Variants in IQCB1 observed in about 807,000 individuals in gnomAD.
The protein encoded by IQCB1 is IQ calmodulin-binding motif-containing protein 1.
In IQCB1, 56 loss-of-function variants were observed where a neutral mutation model predicts 84.4. The observed-to-expected ratio is 0.66, with a 90% confidence interval of 0.54 to 0.83. The LOEUF (loss-of-function observed/expected upper bound fraction) is 0.83. Ranked by LOEUF, IQCB1 falls within the 40% of genes least tolerant of loss-of-function variation. The probability of loss-of-function intolerance (pLI) is 0.00; values close to 1 mark genes in which losing one functional copy is unlikely to be tolerated. For synonymous variants in IQCB1, 210 were observed against 234.8 expected, an observed-to-expected ratio of 0.89 and a Z score of 0.96; for missense variants, 629 against 682.1, an observed-to-expected ratio of 0.92 and a Z score of 0.87.
At chr3:121,780,883 T>TGTGTGTGTGAGA (rs34302377) in intron 13 of IQCB1, among the ~76,000 whole-genome samples, 2 of 148,794 alleles carry the variant, frequency 1.3e-5, no homozygotes, top group Admixed American at 1.3e-4. Context: ...TGTGTGTGTG[T>TGTGTGTGTGAGA]GAGAGAGAGA....
At chr3:121,805,171 T>C (rs1032494070) in intron 7 of IQCB1, among the ~76,000 whole-genome samples, 105 of 152,234 alleles carry the variant, frequency 6.9e-4, no homozygotes, top group African/African-American at 2.3e-3. Flanking sequence ...TCCTGTTTTC[T>C]TGTTTATTTG....
At chr3:121,781,579 T>C (rs1948493549) in intron 13 of IQCB1, among the ~76,000 whole-genome samples, 164 bp downstream of exon 13, 1 of 152,128 alleles carries the variant, frequency 6.6e-6, no homozygotes, top group South Asian at 2.1e-4. Flanking sequence ...GAAAAAGATA[T>C]ACCATTACTT....
chr3:121,816,137 T>C (rs931191453), intron 5 of IQCB1, among the ~76,000 whole-genome samples: 2 of 152,058 alleles, frequency 1.3e-5, no homozygotes, highest in South Asian at 4.2e-4. Context: ...CCATCTGATC[T>C]TTGACAAACC....
At chr3:121,778,463 G>T (rs1479761533) in intron 13 of IQCB1, among the ~76,000 whole-genome samples, 1 of 151,766 alleles carries the variant, frequency 6.6e-6, no homozygotes, top group African/African-American at 2.4e-5. Flanking sequence ...CAACTTTAAG[G>T]ATTTAACATT....
At chr3:121,785,418 C>T (rs1177993502) in intron 12 of IQCB1, among the ~76,000 whole-genome samples, 1 of 152,056 alleles carries the variant, frequency 6.6e-6, no homozygotes, top group Admixed American at 6.5e-5. Context: ...CCACGCCTGG[C>T]TAATTTTTGT....
intron 9 of IQCB1, 145 bp downstream of exon 9, chr3:121,796,973 T>G: frequency 1.5e-6 from 1 of 646,758 alleles, no homozygotes; most frequent in South Asian, 1.7e-5. Flanking sequence ...CTCAACCTCC[T>G]GAGTAAAAAA....
chr3:121,828,963 C>G lies in IQCB1; in HGVS notation c.-3G>C. ...GGGTCTGTACCTGTTGGCTTCATTTCTCTTATTACCTATATTTTAACAGAA... is the reference window on the plus strand; with the variant it reads ...GGGTCTGTACCTGTTGGCTTCATTTGTCTTATTACCTATATTTTAACAGAA... On this transcript the variant is annotated 5_prime_UTR_variant, in exon 3 of 15. Coordinates refer to ENST00000310864, the MANE Select transcript of IQCB1 (RefSeq NM_001023570.4). 4.5e-6 allele frequency: 7 copies of G among 1,565,864 alleles called. No homozygotes were observed. Among genetic ancestry groups the G allele is most frequent in the Non-Finnish European group, 6.2e-6 (7 of 1,136,896 alleles).
chr3:121,832,180 C>A (rs1038244537), intron 2 of IQCB1, among the ~76,000 whole-genome samples: 9 of 152,134 alleles, frequency 5.9e-5, no homozygotes, highest in African/African-American at 2.2e-4. Context: ...TATCCCTTGA[C>A]TATATTTCTA....
intron 12 of IQCB1, among the ~76,000 whole-genome samples, chr3:121,782,731 T>C (rs1343532577): frequency 1.3e-5 from 2 of 151,734 alleles, no homozygotes; most frequent in African/African-American, 4.8e-5. Context: ...CAGGCTGGAG[T>C]GCAGTGGCAC....
chr3:121,772,596 G>A lies in IQCB1; in HGVS notation c.1528C>T (p.Leu510=). Residue 510 remains leucine, a synonymous_variant, in exon 14 of 15, where the codon CTG becomes TTG. Transcript: ENST00000310864. ...EERAQQHREA[L]IAQISTNVEQ... ...ACGTTGGTGCTGATCTGTGCTATCA[G>A]AGCTTCTCTGTGCTGCTGGGCTCGC... is the stretch of plus-strand genomic sequence containing the variant. 2 of 1,614,232 alleles carry A rather than the reference G, an allele frequency of 1.2e-6. No homozygotes were observed. The highest frequency in any genetic ancestry group is 1.7e-6 in the Non-Finnish European group (2 of 1,180,044).
chr3:121,824,957 C>CATATTAA (rs1295909561), intron 5 of IQCB1, among the ~76,000 whole-genome samples: 1 of 152,050 alleles, frequency 6.6e-6, no homozygotes, highest in African/African-American at 2.4e-5. Context: ...TGCATGGCAC[C>CATATTAA]ATATTAAATA....
chr3:121,802,655 T>G (rs958366782), intron 7 of IQCB1, among the ~76,000 whole-genome samples: 8 of 152,302 alleles, frequency 5.3e-5, no homozygotes, highest in Middle Eastern at 3.4e-3. Flanking sequence ...GCTTAGAATT[T>G]TATTGATTTC....
At position 121,834,994 on chromosome 3, in the gene IQCB1, A is replaced by C; in HGVS notation, c.-130T>G. On this transcript the variant is annotated 5_prime_UTR_variant, in exon 1 of 15. Coordinates refer to ENST00000310864, the MANE Select transcript of IQCB1 (RefSeq NM_001023570.4). ...ATCCTCGCTTCGCGTTCTTCCACTA[A>C]AGAACCTGGGGCTCCCACGCCGCAC... is the stretch of plus-strand genomic sequence containing the variant. 1 of 443,728 alleles carries C rather than the reference A, an allele frequency of 2.3e-6. No homozygotes were observed. Among genetic ancestry groups the C allele is most frequent in the Non-Finnish European group, 3.9e-6 (1 of 254,736 alleles). 27.5% of individuals were successfully genotyped at this position (443,728 alleles called of 1,614,324 possible). A position where few individuals can be genotyped will look rare whatever the true frequency, so the allele number is the denominator to read the frequency against.
chr3:121,795,459 G>A lies in IQCB1; in HGVS notation c.984C>T (p.Phe328=), dbSNP rs1331169243. The A allele has an allele frequency of 6.3e-7, 1 of 1,576,940 alleles. No individual in the cohort carries two copies. Among genetic ancestry groups the A allele is most frequent in the East Asian group, 2.2e-5 (1 of 44,630 alleles). ...ATCCCCTCACCAAATTTTTTTACCT[G>A]AAACTCCTCTGCAAAGCAATCACAG... ...PSAVIALQRS[F]RSKRSKMLLE... is the part of the protein sequence containing the mutation. Residue 328 remains phenylalanine (F), a splice_region_variant and synonymous_variant, in exon 10 of 15, where the codon TTC becomes TTT. Transcript: ENST00000310864.
intron 14 of IQCB1, among the ~76,000 whole-genome samples, chr3:121,771,065 G>A (rs1316860671): frequency 1.3e-5 from 2 of 151,976 alleles, no homozygotes; most frequent in Non-Finnish European, 2.9e-5. Context: ...TCCGCCTCCT[G>A]GGTTCAAGCA....
intron 10 of IQCB1, among the ~76,000 whole-genome samples, chr3:121,792,523 G>A (rs962887224): frequency 6.9e-6 from 1 of 145,546 alleles, no homozygotes; most frequent in Non-Finnish European, 1.5e-5. Flanking sequence ...TTAGCCGGGC[G>A]TGATGGCGGG....
intron 9 of IQCB1, among the ~76,000 whole-genome samples, chr3:121,796,619 T>C (rs1037446614): frequency 6.6e-6 from 1 of 152,074 alleles, no homozygotes; most frequent in Non-Finnish European, 1.5e-5. Flanking sequence ...ACAAGAAGGG[T>C]AGCCATAGGT....
chr3:121,825,920 G>A, intron 5 of IQCB1, 131 bp downstream of exon 5: 4 of 897,030 alleles, frequency 4.5e-6, no homozygotes, highest in Middle Eastern at 3.3e-4. Flanking sequence ...TTGGAAGGTT[G>A]TAACTTTGAA....
At position 121,828,915 on chromosome 3, in the gene IQCB1, C is replaced by T. The variant is rs1950542041; in HGVS notation, c.46G>A (p.Glu16Lys). The change falls in exon 3 of 15, where the codon GAA becomes AAA. Residue 16 changes from glutamate (E) to lysine (K), a missense_variant. Glu to Lys is a moderately conservative substitution (Grantham distance 56). Transcript: ENST00000310864. ...TTCTGCTCAGGGCTTTTTGCAACTT[C>T]AGCAGCTATAGATAAGATCCTTGGG... is the stretch of plus-strand genomic sequence containing the variant. ...TDPRILSIAAEVAKSPEQNVP... is the reference protein window; with the variant it reads ...TDPRILSIAAKVAKSPEQNVP... The T allele has an allele frequency of 6.2e-7, 1 of 1,612,038 alleles. No individual in the cohort carries two copies. Among genetic ancestry groups the T allele is most frequent in the Non-Finnish European group, 8.5e-7 (1 of 1,178,996 alleles).
Sources: gnomAD v4.1 joint callset for allele counts (sites outside exome capture counted in the v4.1 genomes callset) on GRCh38, gnomAD v4.1.1 for gene constraint, MANE v1.5 for transcripts, NCBI Gene and HGNC (gene_info 2026-07-23, HGNC 2026-07-21) for gene names.